Variants in INTS4 observed in about 807,000 individuals in gnomAD.
The protein encoded by INTS4 is MSTP093.
A neutral mutation model predicts 119.5 loss-of-function variants in INTS4; 70 were observed. The observed-to-expected ratio is 0.59, with a 90% confidence interval of 0.48 to 0.71. The LOEUF is 0.71. Among genes scored for constraint, INTS4 ranks in the 30% least tolerant of loss-of-function variants. INTS4 has a pLI of 0.00. For missense variants in INTS4, 867 were observed against 1,173.2 expected (o/e 0.74, Z 3.81); for synonymous variants, 316 against 419.6 (o/e 0.75, Z 3.02).
chr11:77,949,787 G>C (rs1292941222), intron 8 of INTS4, among the ~76,000 whole-genome samples: 1 of 152,056 alleles, frequency 6.6e-6, no homozygotes, highest in Non-Finnish European at 1.5e-5. Flanking sequence ...AATTAGTTCA[G>C]CCATTGTGGA....
downstream of INTS4, chr11:77,878,672 G>A (rs1157754087): frequency 9.0e-6 from 6 of 664,134 alleles, no homozygotes; most frequent in African/African-American, 7.3e-5. Flanking sequence ...TATAAAAGCT[G>A]AAGCTATAGC....
chr11:77,979,822 A>T (rs1856126480), intron 3 of INTS4, among the ~76,000 whole-genome samples: 1 of 151,788 alleles, frequency 6.6e-6, no homozygotes, highest in African/African-American at 2.4e-5. Flanking sequence ...TACTAAAAAC[A>T]CAAAAAATAG....
At chr11:77,974,722 C>T (rs1034876939) in intron 4 of INTS4, among the ~76,000 whole-genome samples, 3 of 151,832 alleles carry the variant, frequency 2.0e-5, no homozygotes, top group Non-Finnish European at 4.4e-5. Context: ...CCATCTCAGC[C>T]TCCCAGGTAG....
rs535870521 is a variant in INTS4, at chr11:77,961,916, T to G, written c.472-778A>C. Among the ~76,000 whole-genome samples the G allele has an allele frequency of 2.0e-3, 299 of 152,388 alleles. 2 individuals carry two copies. The highest frequency in any genetic ancestry group is 2.7e-3 in the Non-Finnish European group (183 of 68,046). ...CTTTGGCTATTTCGAATAATGCTAC[T>G]GTGATTATTCTTGTATGTGGCTTTT... On this transcript the variant is annotated intron_variant, in intron 4 of 22. Coordinates refer to ENST00000534064, the MANE Select transcript of INTS4 (RefSeq NM_033547.4).
At chr11:77,928,271 T>C in intron 11 of INTS4, 71 bp downstream of exon 11, 1 of 1,525,856 alleles carries the variant, frequency 6.6e-7, no homozygotes, top group South Asian at 1.2e-5. Context: ...CACCAATGCC[T>C]AGCACAATAC....
At chr11:77,957,663 C>CTTTT (rs1159914263) in intron 7 of INTS4, among the ~76,000 whole-genome samples, 87 of 110,682 alleles carry the variant, frequency 7.9e-4, no homozygotes, top group South Asian at 9.4e-4. Flanking sequence ...AACTGAACTT[C>CTTTT]TTTTTTTTTT....
At chr11:77,892,026 C>T (rs682324) in intron 19 of INTS4, among the ~76,000 whole-genome samples, 186 bp from the exon 20 acceptor site, 54,996 of 151,940 alleles carry the variant, frequency 0.36, 10,135 homozygotes, top group East Asian at 0.46. Context: ...TCAGAAAGGC[C>T]TCTGTTTATT....
chr11:77,982,491 T>C (rs779663821), intron 2 of INTS4, among the ~76,000 whole-genome samples: 3 of 152,076 alleles, frequency 2.0e-5, no homozygotes, highest in Non-Finnish European at 2.9e-5. Context: ...AGGAGGCAAG[T>C]GTGACTGTCT....
intron 2 of INTS4, among the ~76,000 whole-genome samples, 167 bp from the exon 3 acceptor site, chr11:77,981,743 A>T (rs200533818): frequency 4.6e-4 from 20 of 43,098 alleles, no homozygotes; most frequent in African/African-American, 2.2e-3. Flanking sequence ...GCTTTCTTTT[A>T]TTTATTTATT....
chr11:77,933,358 G>A (rs891959318), intron 10 of INTS4, among the ~76,000 whole-genome samples: 1 of 151,094 alleles, frequency 6.6e-6, no homozygotes, highest in African/African-American at 2.4e-5. Flanking sequence ...GAGTGCCTGG[G>A]ATTGCAGGCG....
At chr11:77,958,210 T>C (rs1954378922) in intron 7 of INTS4, among the ~76,000 whole-genome samples, 5 of 151,198 alleles carry the variant, frequency 3.3e-5, no homozygotes, top group Middle Eastern at 6.9e-3. Flanking sequence ...AAATATTCTA[T>C]AAATATTTAT....
At chr11:77,991,571 T>G (rs1438021618) in intron 1 of INTS4, among the ~76,000 whole-genome samples, 2 of 152,000 alleles carry the variant, frequency 1.3e-5, no homozygotes, top group Admixed American at 1.3e-4. Context: ...TTTTTTTTCT[T>G]AGAGATGGAG....
At chr11:77,925,575 G>A (rs1007584780) in intron 11 of INTS4, among the ~76,000 whole-genome samples, 1 of 152,192 alleles carries the variant, frequency 6.6e-6, no homozygotes, top group Non-Finnish European at 1.5e-5. Context: ...TATCTGAAGT[G>A]AATTTCAAGA....
intron 4 of INTS4, among the ~76,000 whole-genome samples, chr11:77,964,848 T>C (rs1855427353): frequency 6.6e-6 from 1 of 152,072 alleles, no homozygotes; most frequent in Non-Finnish European, 1.5e-5. Context: ...GTGGGTAGTT[T>C]GATGAGGAAG....
intron 18 of INTS4, among the ~76,000 whole-genome samples, chr11:77,895,541 A>G (rs1005776662): frequency 1.4e-5 from 2 of 147,252 alleles, no homozygotes; most frequent in African/African-American, 5.1e-5. Context: ...AAAAAAAAAA[A>G]AAAAAAAAAA....
intron 10 of INTS4, among the ~76,000 whole-genome samples, chr11:77,933,649 G>A (rs1468747708): frequency 2.6e-5 from 4 of 152,064 alleles, no homozygotes; most frequent in Non-Finnish European, 4.4e-5. Context: ...CCGCCACCCC[G>A]TCTGGGAAGT....
intron 10 of INTS4, among the ~76,000 whole-genome samples, chr11:77,934,550 TC>T (rs1953745028): frequency 1.3e-5 from 2 of 152,244 alleles, no homozygotes; most frequent in South Asian, 4.1e-4. Flanking sequence ...TTTCAAAATT[TC>T]CATGACTGTT....
rs529525062 is a variant in INTS4 at position 77,973,553 on chromosome 11, GTTT to G, written c.471+5440_471+5442del. Among the ~76,000 whole-genome samples, 38 of 147,394 alleles carry G rather than the reference GTTT, an allele frequency of 2.6e-4. No individual in the cohort carries two copies. The East Asian group carries it at 6.7e-3, about 26-fold the overall frequency. ...AAGTATGATGTTTCCTGTCAGTTTT[GTTT>G]TTTTTTTAGATTCCATTTACAAGGG... On this transcript the variant is annotated intron_variant, in intron 4 of 22. Transcript: ENST00000534064.
intron 18 of INTS4, among the ~76,000 whole-genome samples, chr11:77,897,667 A>ATT (rs35910839): frequency 2.5e-4 from 36 of 145,924 alleles, no homozygotes; most frequent in East Asian, 2.4e-3. Context: ...CGCCCGGCTA[A>ATT]TTTTTTTTTT....
Sources: gnomAD v4.1 joint callset for allele counts (sites outside exome capture counted in the v4.1 genomes callset) on GRCh38, gnomAD v4.1.1 for gene constraint, MANE v1.5 for transcripts, NCBI Gene and HGNC (gene_info 2026-07-23, HGNC 2026-07-21) for gene names.